Variants in FOCAD observed in about 807,000 individuals in gnomAD.
FOCAD encodes KIAA1797.
In FOCAD, 198 loss-of-function variants were observed where a neutral mutation model predicts 225.6. The observed-to-expected ratio is 0.88, with a 90% CI of 0.78 to 0.99. FOCAD has a LOEUF of 0.99. Among genes scored for constraint, FOCAD ranks in the 50% least tolerant of loss-of-function variants. The pLI is 0.00. For missense variants in FOCAD, 2,713 were observed against 2,123.6 expected (o/e 1.28, Z -5.46); for synonymous variants, 897 against 755.0 (o/e 1.19, Z -3.08).
intron 2 of FOCAD, among the ~76,000 whole-genome samples, chr9:20,664,438 A>G (rs1180048271): frequency 6.6e-6 from 1 of 151,622 alleles, no homozygotes; most frequent in African/African-American, 2.4e-5. Context: ...AGTGCATATT[A>G]TCTACTAAGC....
chr9:20,854,776 C>G (rs148553004), intron 15 of FOCAD, among the ~76,000 whole-genome samples: 514 of 151,734 alleles, frequency 3.4e-3, no homozygotes, highest in African/African-American at 0.011. Flanking sequence ...CATAAATATT[C>G]GTATGCTATA....
At chr9:20,755,812 T>C (rs1282281786) in intron 5 of FOCAD, among the ~76,000 whole-genome samples, 1 of 152,118 alleles carries the variant, frequency 6.6e-6, no homozygotes, top group Non-Finnish European at 1.5e-5. Flanking sequence ...GAGTGTTTTT[T>C]TGTTTGTTTG....
At chr9:20,805,378 C>T (rs959922089) in intron 11 of FOCAD, among the ~76,000 whole-genome samples, 2 of 152,146 alleles carry the variant, frequency 1.3e-5, no homozygotes, top group East Asian at 3.8e-4. Flanking sequence ...TCATTATAAG[C>T]TGTCAATCCA....
At chr9:20,977,896 G>T (rs897251320) in intron 36 of FOCAD, among the ~76,000 whole-genome samples, 1 of 152,184 alleles carries the variant, frequency 6.6e-6, no homozygotes, top group Admixed American at 6.6e-5. Flanking sequence ...AAAATAAGGT[G>T]CTGATTGGAA....
At chr9:20,955,893 C>T (rs906996002) in intron 35 of FOCAD, among the ~76,000 whole-genome samples, 2 of 151,766 alleles carry the variant, frequency 1.3e-5, no homozygotes, top group Admixed American at 6.6e-5. Context: ...GTGATTCTTT[C>T]TAATGCTAAT....
chr9:20,754,423 G>A (rs993359225), intron 5 of FOCAD, among the ~76,000 whole-genome samples: 2 of 152,014 alleles, frequency 1.3e-5, no homozygotes, highest in African/African-American at 4.8e-5. Context: ...CTAGTTTCTA[G>A]TGTGTTCTGT....
At chr9:20,868,596 A>G (rs1214596347) in intron 18 of FOCAD, among the ~76,000 whole-genome samples, 1 of 152,128 alleles carries the variant, frequency 6.6e-6, no homozygotes, top group African/African-American at 2.4e-5. Flanking sequence ...ATAAATGGTA[A>G]ACGTACTTAG....
At chr9:20,725,726 T>G (rs568326668) in intron 4 of FOCAD, among the ~76,000 whole-genome samples, 245 of 152,320 alleles carry the variant, frequency 1.6e-3, no homozygotes, top group Non-Finnish European at 2.6e-3. Flanking sequence ...GGTTACATTG[T>G]ATAGTCTAAC....
chr9:20,862,936 C>A, intron 16 of FOCAD: 1 of 350,862 alleles, frequency 2.9e-6, no homozygotes, highest in Non-Finnish European at 5.0e-6. Flanking sequence ...AGAGTATTGT[C>A]AAGATTTTAA....
At position 20,912,866 on chromosome 9, in the gene FOCAD, G is replaced by A. The variant is rs373630137; in HGVS notation, c.2719G>A (p.Gly907Arg). Residue 907 changes from glycine (G) to arginine (R), a missense_variant and splice_region_variant, in exon 23 of 44, where the codon GGA becomes AGA. Transcript: ENST00000338382. ...CTGATTTATGCTGTGATTTTTGCAGGGAAGACTAGGAGAGCTGGAGTTGCA... is the reference window on the plus strand; with the variant it reads ...CTGATTTATGCTGTGATTTTTGCAGAGAAGACTAGGAGAGCTGGAGTTGCA... ...MNRAYHAILQ[G>R]RLGELELQLK... 4.1e-5 allele frequency: 66 copies of A among 1,612,474 alleles called. No homozygotes were observed. Among genetic ancestry groups the A allele is most frequent in the Non-Finnish European group, 5.2e-5 (61 of 1,179,090 alleles).
At chr9:20,915,620 G>A (rs1833804620) in intron 23 of FOCAD, among the ~76,000 whole-genome samples, 1 of 152,162 alleles carries the variant, frequency 6.6e-6, no homozygotes, top group South Asian at 2.1e-4. Flanking sequence ...AATAACGAGA[G>A]TCATCAAGCA....
chr9:20,801,141 C>T (rs1381317685), intron 11 of FOCAD, among the ~76,000 whole-genome samples: 2 of 152,142 alleles, frequency 1.3e-5, no homozygotes, highest in African/African-American at 4.8e-5. Flanking sequence ...TGGGTATCAG[C>T]AGCGGAGGCT....
intron 11 of FOCAD, among the ~76,000 whole-genome samples, chr9:20,795,739 G>A (rs944887568): frequency 2.5e-5 from 3 of 119,082 alleles, no homozygotes; most frequent in African/African-American, 9.9e-5. Context: ...AGCTGAGATC[G>A]CACCACTGCA....
chr9:20,990,740 G>T (rs914775310), intron 42 of FOCAD, among the ~76,000 whole-genome samples: 1 of 152,206 alleles, frequency 6.6e-6, no homozygotes, highest in Non-Finnish European at 1.5e-5. Flanking sequence ...ATTGCAAATC[G>T]TGTGATAAGT....
chr9:20,995,462 T>A, intron 43 of FOCAD, 94 bp from the exon 44 acceptor site: 1 of 969,026 alleles, frequency 1.0e-6, no homozygotes, highest in African/African-American at 1.6e-5. Context: ...TCTTGAACAT[T>A]AGCCAAGTGA....
At chr9:20,855,118 A>T (rs941642637) in intron 15 of FOCAD, among the ~76,000 whole-genome samples, 1 of 151,758 alleles carries the variant, frequency 6.6e-6, no homozygotes, top group Admixed American at 6.6e-5. Context: ...TAACAAATTT[A>T]ATTGAGTTAT....
At chr9:20,697,350 A>G (rs1025727455) in intron 1 of FOCAD, among the ~76,000 whole-genome samples, 3 of 152,154 alleles carry the variant, frequency 2.0e-5, no homozygotes, top group Admixed American at 2.0e-4. Context: ...CATATATGCC[A>G]TTCCTCTTTC....
chr9:20,658,256 G>C (rs559649874), upstream of FOCAD: 905 of 156,872 alleles, frequency 5.8e-3, 9 homozygotes, highest in African/African-American at 0.021. Context: ...GCCCCCAGAG[G>C]TGGAGCTTAC....
At chr9:20,771,820 G>C (rs541101757) in intron 8 of FOCAD, among the ~76,000 whole-genome samples, 1 of 152,314 alleles carries the variant, frequency 6.6e-6, no homozygotes, top group South Asian at 2.1e-4. Flanking sequence ...TCCAAGCACA[G>C]GGTGCTGGCT....
Sources: allele counts gnomAD v4.1 joint callset (sites outside exome capture counted in the v4.1 genomes callset), GRCh38; gene constraint gnomAD v4.1.1; transcripts MANE v1.5; gene names NCBI Gene and HGNC (gene_info 2026-07-23, HGNC 2026-07-21).